CAMKMT: variants seen among roughly 807,000 people sequenced by gnomAD.
CAMKMT encodes calmodulin-lysine N-methyltransferase, also known as CaM KMT.
A neutral mutation model predicts 48.0 loss-of-function variants in CAMKMT; 53 were observed. The observed-to-expected ratio is 1.10, with a 90% CI of 0.89 to 1.39. The LOEUF is 1.39. Ranked by LOEUF, CAMKMT falls within the 40% of genes most tolerant of loss-of-function variation. The pLI, the probability that CAMKMT is intolerant of heterozygous loss-of-function variation, is 0.00. For synonymous variants in CAMKMT, 165 were observed against 152.3 expected (o/e 1.08, Z -0.61); for missense variants, 428 against 402.7 (o/e 1.06, Z -0.54).
At chr2:44,748,613 C>T (rs1680017502) in intron 8 of CAMKMT, among the ~76,000 whole-genome samples, 1 of 152,124 alleles carries the variant, frequency 6.6e-6, no homozygotes, top group Non-Finnish European at 1.5e-5. Flanking sequence ...TGGCTCATGC[C>T]TGTAGTCCCA....
intron 3 of CAMKMT, among the ~76,000 whole-genome samples, chr2:44,613,628 T>C (rs1671715599): frequency 6.6e-6 from 1 of 152,238 alleles, no homozygotes; most frequent in South Asian, 2.1e-4. Flanking sequence ...GTAATAATTA[T>C]ACCAACGGCT....
At chr2:44,381,536 C>G (rs1680239064) in intron 2 of CAMKMT, among the ~76,000 whole-genome samples, 2 of 152,188 alleles carry the variant, frequency 1.3e-5, no homozygotes, top group African/African-American at 4.8e-5. Flanking sequence ...TTCACTGCAG[C>G]AGTGTGCACA....
chr2:44,403,062 T>G (rs1682540733), intron 3 of CAMKMT, among the ~76,000 whole-genome samples: 1 of 152,154 alleles, frequency 6.6e-6, no homozygotes, highest in South Asian at 2.1e-4. Context: ...ACTACAAAAC[T>G]GATTGGAAGG....
At chr2:44,508,335 G>A (rs1670364865) in intron 3 of CAMKMT, among the ~76,000 whole-genome samples, 1 of 152,196 alleles carries the variant, frequency 6.6e-6, no homozygotes, top group Non-Finnish European at 1.5e-5. Context: ...TAATCCTGTG[G>A]CATCAGCACC....
At chr2:44,479,369 T>G (rs962116331) in intron 3 of CAMKMT, among the ~76,000 whole-genome samples, 1 of 152,224 alleles carries the variant, frequency 6.6e-6, no homozygotes, top group Non-Finnish European at 1.5e-5. Context: ...TGAAACTGTT[T>G]ATGGAAGTGA....
intron 3 of CAMKMT, among the ~76,000 whole-genome samples, chr2:44,621,999 G>A (rs1288055028): frequency 6.6e-5 from 10 of 152,106 alleles, no homozygotes; most frequent in African/African-American, 1.2e-4. Flanking sequence ...AGATGTGAGG[G>A]ATGTTGAAGG....
At chr2:44,543,158 T>G (rs1667222742) in intron 3 of CAMKMT, among the ~76,000 whole-genome samples, 1 of 152,196 alleles carries the variant, frequency 6.6e-6, no homozygotes, top group Middle Eastern at 3.2e-3. Context: ...TGGGGCACAC[T>G]TTCTCCCAAT....
intron 3 of CAMKMT, among the ~76,000 whole-genome samples, chr2:44,473,797 A>T (rs1432853118): frequency 6.6e-6 from 1 of 152,222 alleles, no homozygotes; most frequent in Non-Finnish European, 1.5e-5. Flanking sequence ...TCAACTACCT[A>T]GAGACTTGTG....
intron 8 of CAMKMT, among the ~76,000 whole-genome samples, chr2:44,746,652 A>G (rs343949): frequency 6.6e-6 from 1 of 152,146 alleles, no homozygotes. Flanking sequence ...GAAGGAAAAA[A>G]TGAGGTGCAG....
At chr2:44,414,519 A>G (rs1683418043) in intron 3 of CAMKMT, among the ~76,000 whole-genome samples, 2 of 152,204 alleles carry the variant, frequency 1.3e-5, no homozygotes, top group Non-Finnish European at 2.9e-5. Flanking sequence ...GAGGTTCACA[A>G]TATGGCAGCT....
intron 3 of CAMKMT, among the ~76,000 whole-genome samples, chr2:44,615,758 G>A (rs534630231): frequency 6.6e-6 from 1 of 152,106 alleles, no homozygotes; most frequent in East Asian, 1.9e-4. Context: ...AGGATCTCCA[G>A]AATGAGAATA....
intron 3 of CAMKMT, among the ~76,000 whole-genome samples, chr2:44,472,288 T>C (rs975305984): frequency 6.6e-5 from 10 of 152,216 alleles, no homozygotes; most frequent in African/African-American, 2.2e-4. Context: ...TTAGCCAGGA[T>C]ATTAAATGGG....
At chr2:44,632,394 G>A (rs547333546) in intron 3 of CAMKMT, among the ~76,000 whole-genome samples, 14 of 151,986 alleles carry the variant, frequency 9.2e-5, no homozygotes, top group South Asian at 6.2e-4. Flanking sequence ...TTTTTGAGGC[G>A]TTAGTTTATT....
chr2:44,491,315 C>CA (rs1458949884), intron 3 of CAMKMT, among the ~76,000 whole-genome samples: 2 of 151,542 alleles, frequency 1.3e-5, no homozygotes, highest in Admixed American at 6.6e-5. Flanking sequence ...GATAATTTTT[C>CA]AAAAAAAATA....
At chr2:44,417,607 C>T (rs1295745655) in intron 3 of CAMKMT, among the ~76,000 whole-genome samples, 3 of 152,094 alleles carry the variant, frequency 2.0e-5, no homozygotes, top group Admixed American at 2.0e-4. Flanking sequence ...TATAAGTGTA[C>T]ATTTAACTTT....
At chr2:44,448,811 C>T (rs950285660) in intron 3 of CAMKMT, among the ~76,000 whole-genome samples, 5 of 152,068 alleles carry the variant, frequency 3.3e-5, no homozygotes, top group Non-Finnish European at 7.4e-5. Context: ...GAATATTTTT[C>T]AGCAATAAAA....
chr2:44,406,289 T>A (rs974059273), intron 3 of CAMKMT, among the ~76,000 whole-genome samples: 3 of 152,166 alleles, frequency 2.0e-5, no homozygotes, highest in South Asian at 2.1e-4. Flanking sequence ...CTTTTTTTTT[T>A]AATTACCATT....
At position 44,704,288 on chromosome 2, in the gene CAMKMT, T is replaced by C; in HGVS notation, c.382T>C (p.Trp128Arg). Residue 128 changes from tryptophan to arginine, a missense_variant, in exon 4 of 11, where the codon TGG becomes CGG. By Grantham distance (101) the Trp-to-Arg change is moderately radical. Transcript: ENST00000378494. ...TATCCTCTTGTGTTTTCTAGGCATC[T>C]GGCCATCTGAAGAGGTTTTGGCTTA... is the stretch of plus-strand genomic sequence containing the variant. ...SFDNTGNVCI[W>R]PSEEVLAYYC... The C allele has an allele frequency of 6.2e-7, 1 of 1,610,642 alleles. No homozygotes were observed. Among genetic ancestry groups the C allele is most frequent in the Non-Finnish European group, 8.5e-7 (1 of 1,178,214 alleles).
chr2:44,642,727 G>C (rs1283193735), intron 3 of CAMKMT, among the ~76,000 whole-genome samples: 1 of 152,124 alleles, frequency 6.6e-6, no homozygotes, highest in East Asian at 1.9e-4. Context: ...AATTGTGAGA[G>C]TGGGGAGGGG....
Sources: allele counts gnomAD v4.1 joint callset (sites outside exome capture counted in the v4.1 genomes callset), GRCh38; gene constraint gnomAD v4.1.1; transcripts MANE v1.5; gene names NCBI Gene and HGNC (gene_info 2026-07-23, HGNC 2026-07-21).